MAPK10: variants seen among roughly 807,000 people sequenced by gnomAD.
MAPK10 encodes mitogen-activated protein kinase 10.
MAPK10 carries 25 observed loss-of-function variants against 59.3 expected under a neutral mutation model. That is an observed-to-expected ratio of 0.42 (90% CI 0.31 to 0.59). The LOEUF (loss-of-function observed/expected upper bound fraction) is 0.59. Ranked by LOEUF, MAPK10 falls within the 20% of genes least tolerant of loss-of-function variation. The pLI, the probability that MAPK10 is intolerant of heterozygous loss-of-function variation, is 0.15. For missense variants in MAPK10, 351 were observed against 568.9 expected, an observed-to-expected ratio of 0.62 and a Z score of 3.90; for synonymous variants, 190 against 200.5, an observed-to-expected ratio of 0.95 and a Z score of 0.44.
chr4:86,491,862 A>T (rs1174101918), intron 1 of MAPK10, among the ~76,000 whole-genome samples: 2 of 151,938 alleles, frequency 1.3e-5, no homozygotes, highest in African/African-American at 4.8e-5. Flanking sequence ...ATTTTATTTT[A>T]TTTTTTTAGC....
At chr4:86,361,856 T>C (rs1425520177), upstream of MAPK10, among the ~76,000 whole-genome samples, 5 of 151,952 alleles carry the variant, frequency 3.3e-5, no homozygotes, top group Non-Finnish European at 7.4e-5. Flanking sequence ...AACTAGAAAG[T>C]AGAATGGTGG....
chr4:86,281,456 A>G (rs1384403276), intron 2 of MAPK10, among the ~76,000 whole-genome samples: 2 of 152,014 alleles, frequency 1.3e-5, no homozygotes, highest in Admixed American at 1.3e-4. Context: ...AGCCAAGATC[A>G]CGTTCACTGC....
intron 4 of MAPK10, among the ~76,000 whole-genome samples, chr4:86,135,548 A>G (rs2061858198): frequency 6.6e-6 from 1 of 152,174 alleles, no homozygotes; most frequent in South Asian, 2.1e-4. Flanking sequence ...CATCACCATC[A>G]TCAAAGACCA....
intron 11 of MAPK10, among the ~76,000 whole-genome samples, chr4:86,041,225 A>T (rs554062358): frequency 6.6e-6 from 1 of 152,304 alleles, no homozygotes; most frequent in South Asian, 2.1e-4. Flanking sequence ...AAAACAAGCA[A>T]TGGGGAAAAG....
At chr4:86,508,095 A>G (rs1564964380) in intron 1 of MAPK10, among the ~76,000 whole-genome samples, 1 of 152,064 alleles carries the variant, frequency 6.6e-6, no homozygotes, top group South Asian at 2.1e-4. Flanking sequence ...CTGAACACAC[A>G]CATAGTTTAC....
rs983826470 is a variant in MAPK10 at position 86,016,943 on chromosome 4, G to A, written c.*285C>T. 4.9e-5 allele frequency: 13 copies of A among 268,034 alleles called. No homozygotes were observed. The East Asian group carries it at 7.4e-4, about 15-fold the overall frequency. The allele number at this position is 268,034 out of a possible 1,614,324, so 16.6% of individuals were successfully genotyped here. On this transcript the variant is annotated 3_prime_UTR_variant, in exon 14 of 14. Coordinates refer to ENST00000641462, the MANE Select transcript of MAPK10 (RefSeq NM_138982.4). Reference sequence around the variant, plus strand: ...CATTAAAATTACACTTTATGGAAAAGGCTTCTCTAATTGTGTCTGATTTGC... The same window carrying A: ...CATTAAAATTACACTTTATGGAAAAAGCTTCTCTAATTGTGTCTGATTTGC...
intron 2 of MAPK10, among the ~76,000 whole-genome samples, chr4:86,209,998 CA>C (rs1441092164): frequency 2.0e-5 from 3 of 152,058 alleles, no homozygotes; most frequent in African/African-American, 7.2e-5. Flanking sequence ...TCATTTTCAA[CA>C]AAGCTGCCAA....
At chr4:86,454,322 G>A (rs1414304616), upstream of MAPK10, among the ~76,000 whole-genome samples, 1 of 152,162 alleles carries the variant, frequency 6.6e-6, no homozygotes, top group African/African-American at 2.4e-5. Flanking sequence ...TAATCAGGAA[G>A]GCACCTGAGA....
At chr4:86,356,174 A>C (rs1734378720) in intron 1 of MAPK10, among the ~76,000 whole-genome samples, 1 of 152,176 alleles carries the variant, frequency 6.6e-6, no homozygotes, top group Non-Finnish European at 1.5e-5. Context: ...CCTGCACACC[A>C]TGCAGGGTTT....
intron 1 of MAPK10, among the ~76,000 whole-genome samples, chr4:86,521,228 G>T (rs894692798): frequency 1.3e-5 from 2 of 152,118 alleles, no homozygotes; most frequent in African/African-American, 2.4e-5. Flanking sequence ...GTATTGAGTT[G>T]GTTGGCCTCC....
chr4:86,276,119 G>T (rs1388138793), intron 2 of MAPK10, among the ~76,000 whole-genome samples: 1 of 151,994 alleles, frequency 6.6e-6, no homozygotes, highest in Non-Finnish European at 1.5e-5. Context: ...GAAATTTTGT[G>T]TCCTATATTG....
intron 1 of MAPK10, among the ~76,000 whole-genome samples, chr4:86,483,736 A>C (rs1386740421): frequency 6.6e-6 from 1 of 152,132 alleles, no homozygotes; most frequent in Non-Finnish European, 1.5e-5. Context: ...ATCAAAACTA[A>C]AGTCTCTACC....
chr4:86,117,082 CT>C (rs2058402234), intron 4 of MAPK10, among the ~76,000 whole-genome samples: 1 of 152,182 alleles, frequency 6.6e-6, no homozygotes, highest in South Asian at 2.1e-4. Flanking sequence ...TAAAATACAT[CT>C]TCCAAAAAGA....
intron 1 of MAPK10, among the ~76,000 whole-genome samples, chr4:86,404,287 TAAGAG>T (rs371238837): frequency 4.6e-5 from 7 of 152,130 alleles, no homozygotes; most frequent in Admixed American, 2.0e-4. Flanking sequence ...GTACAACACT[TAAGAG>T]AGGAAAGGAA....
At chr4:86,346,035 T>C (rs1414518313) in intron 2 of MAPK10, among the ~76,000 whole-genome samples, 1 of 152,184 alleles carries the variant, frequency 6.6e-6, no homozygotes, top group Non-Finnish European at 1.5e-5. Context: ...CAGAGATAGA[T>C]GAAAACAGAA....
At chr4:86,428,762 AAC>A (rs1747644702) in intron 1 of MAPK10, among the ~76,000 whole-genome samples, 1 of 152,198 alleles carries the variant, frequency 6.6e-6, no homozygotes, top group Non-Finnish European at 1.5e-5. Context: ...TTCTTTTTTT[AAC>A]ACAAATTCTC....
chr4:86,520,868 G>A (rs1210319224), intron 1 of MAPK10, among the ~76,000 whole-genome samples: 1 of 152,164 alleles, frequency 6.6e-6, no homozygotes, highest in Admixed American at 6.5e-5. Flanking sequence ...AGACTGCAGT[G>A]ATTGTTATTG....
intron 1 of MAPK10, among the ~76,000 whole-genome samples, chr4:86,406,527 G>A (rs570395259): frequency 2.6e-5 from 4 of 152,286 alleles, no homozygotes; most frequent in African/African-American, 7.2e-5. Flanking sequence ...AGGTATTAGT[G>A]GGAATCAGTC....
At chr4:86,552,012 AT>A (rs1290688077) in intron 1 of MAPK10, among the ~76,000 whole-genome samples, 2 of 152,072 alleles carry the variant, frequency 1.3e-5, no homozygotes, top group Non-Finnish European at 2.9e-5. Flanking sequence ...ATTTCTGCTG[AT>A]TTTTTTCATT....
Sources: gnomAD v4.1 joint callset for allele counts (sites outside exome capture counted in the v4.1 genomes callset) on GRCh38, gnomAD v4.1.1 for gene constraint, MANE v1.5 for transcripts, NCBI Gene and HGNC (gene_info 2026-07-23, HGNC 2026-07-21) for gene names.